Variants in GPC5 observed in about 807,000 individuals in gnomAD.
GPC5 encodes glypican 5.
A neutral mutation model predicts 53.9 loss-of-function variants in GPC5; 47 were observed. The observed-to-expected ratio is 0.87, with a 90% CI of 0.69 to 1.11. The LOEUF is 1.11. Ranked by LOEUF, GPC5 falls within the 50% of genes most tolerant of loss-of-function variation. The pLI is 0.00. For missense variants in GPC5, 748 were observed against 713.1 expected (o/e 1.05, Z -0.56); for synonymous variants, 286 against 263.3 (o/e 1.09, Z -0.84).
chr13:91,823,850 G>T (rs992930472), intron 5 of GPC5, among the ~76,000 whole-genome samples: 1 of 151,924 alleles, frequency 6.6e-6, no homozygotes, highest in African/African-American at 2.4e-5. Flanking sequence ...CTTTCAATAT[G>T]TCTATAACTA....
intron 2 of GPC5, among the ~76,000 whole-genome samples, chr13:91,548,957 G>A (rs2030459955): frequency 6.6e-6 from 1 of 152,074 alleles, no homozygotes; most frequent in Admixed American, 6.5e-5. Context: ...ACTCAAAGTG[G>A]ATCATAGACG....
intron 6 of GPC5, among the ~76,000 whole-genome samples, chr13:91,977,829 G>A (rs1721299184): frequency 6.6e-6 from 1 of 151,872 alleles, no homozygotes; most frequent in African/African-American, 2.4e-5. Context: ...AAAACTTTTA[G>A]CGCTAGGTGC....
At position 92,403,510 on chromosome 13, in the gene GPC5, G is replaced by C. The variant is rs773403803; in HGVS notation, c.1561+258521G>C. Among the ~76,000 whole-genome samples, 7 of 152,208 alleles carry C rather than the reference G, an allele frequency of 4.6e-5. No individual in the cohort carries two copies. The South Asian group carries it at 6.2e-4, about 13-fold the overall frequency. ...ACAAACCCTATTGTGAGCTGCGCAT[G>C]TGAGGGATCTAGGCTGCATGTTCCT... On this transcript the variant is annotated intron_variant, in intron 7 of 7. Coordinates refer to ENST00000377067, the MANE Select transcript of GPC5 (RefSeq NM_004466.6).
chr13:91,547,512 C>T lies in GPC5; in HGVS notation c.325+98590C>T, dbSNP rs564703916. Among the ~76,000 whole-genome samples, 3 of 152,152 alleles carry T rather than the reference C, an allele frequency of 2.0e-5. No homozygotes were observed. In the East Asian group the frequency reaches 5.8e-4, roughly 29 times the overall value. ...AAAAATTGAATCAATTAATAGTCTT[C>T]CAAAACAGAAAGCACCAGGCCCAGA... On this transcript the variant is annotated intron_variant, in intron 2 of 7. Coordinates refer to ENST00000377067, the MANE Select transcript of GPC5 (RefSeq NM_004466.6).
At chr13:92,595,559 G>A (rs1883846191) in intron 7 of GPC5, among the ~76,000 whole-genome samples, 1 of 151,824 alleles carries the variant, frequency 6.6e-6, no homozygotes. Flanking sequence ...ACGAGGTCAG[G>A]AGATCGAGAC....
At chr13:91,498,143 C>T (rs145779036) in intron 2 of GPC5, among the ~76,000 whole-genome samples, 40 of 151,684 alleles carry the variant, frequency 2.6e-4, no homozygotes, top group Admixed American at 5.9e-4. Context: ...ACCCACCCGC[C>T]GCCACACACA....
At chr13:91,538,488 A>G (rs1232599334) in intron 2 of GPC5, among the ~76,000 whole-genome samples, 1 of 152,138 alleles carries the variant, frequency 6.6e-6, no homozygotes, top group Non-Finnish European at 1.5e-5. Flanking sequence ...CTCCAGGTAC[A>G]TGTAATATTT....
intron 7 of GPC5, among the ~76,000 whole-genome samples, chr13:92,348,084 A>G (rs576833898): frequency 6.9e-6 from 1 of 144,796 alleles, no homozygotes; most frequent in South Asian, 2.2e-4. Flanking sequence ...CTACAAAACA[A>G]CCAGAAAACA....
chr13:92,518,562 C>A (rs1880887318), intron 7 of GPC5, among the ~76,000 whole-genome samples: 1 of 152,160 alleles, frequency 6.6e-6, no homozygotes. Context: ...AAATGCTTTA[C>A]AGACAAGCAA....
chr13:91,906,709 A>G (rs1301065898), intron 5 of GPC5, among the ~76,000 whole-genome samples: 2 of 151,956 alleles, frequency 1.3e-5, no homozygotes, highest in East Asian at 3.9e-4. Flanking sequence ...CTTTGTGACT[A>G]ATGAGTTTAA....
In GPC5 at chr13:92,751,303, TAAAA is replaced by T. The variant is rs71123435; in HGVS notation, c.1562-114950_1562-114947del. 9.1e-3 allele frequency among the ~76,000 whole-genome samples: 352 copies of T among 38,768 alleles called. 1 individual carries two copies. The highest frequency in any genetic ancestry group is 0.028 in the Middle Eastern group (1 of 36). 25.4% of individuals were successfully genotyped at this position (38,768 alleles called of 152,430 possible). Reference sequence around the variant, plus strand: ...AAACCTTTGGTCATCCAGAAACATTTAAAAAAAAAAAAAAAAAAAAAAAAAAAAA... The same window carrying T: ...AAACCTTTGGTCATCCAGAAACATTTAAAAAAAAAAAAAAAAAAAAAAAAA... On this transcript the variant is annotated intron_variant, in intron 7 of 7. Transcript: ENST00000377067.
intron 7 of GPC5, among the ~76,000 whole-genome samples, chr13:92,172,482 G>A (rs567856606): frequency 6.6e-6 from 1 of 152,248 alleles, no homozygotes; most frequent in East Asian, 1.9e-4. Flanking sequence ...TCAGTTTTGA[G>A]GGATCTGAGA....
intron 7 of GPC5, among the ~76,000 whole-genome samples, chr13:92,739,893 AGTT>A (rs1006787869): frequency 3.3e-5 from 5 of 152,204 alleles, no homozygotes; most frequent in South Asian, 2.1e-4. Context: ...TATTTGTAGG[AGTT>A]GTTGTTCTTT....
chr13:91,767,574 T>A (rs2037548095), intron 5 of GPC5, among the ~76,000 whole-genome samples: 2 of 152,174 alleles, frequency 1.3e-5, no homozygotes, highest in Admixed American at 1.3e-4. Flanking sequence ...ACAATTCTAG[T>A]CATCTCCCTT....
intron 7 of GPC5, among the ~76,000 whole-genome samples, chr13:92,758,081 C>A (rs1874977827): frequency 6.7e-6 from 1 of 149,888 alleles, no homozygotes; most frequent in African/African-American, 2.5e-5. Context: ...TGGAACCAAC[C>A]CAAATGTCCA....
At chr13:91,673,966 T>C (rs539403447) in intron 2 of GPC5, among the ~76,000 whole-genome samples, 170 of 152,296 alleles carry the variant, frequency 1.1e-3, no homozygotes, top group African/African-American at 4.0e-3. Context: ...CAAAATAAAA[T>C]CCATTCGTCT....
chr13:92,809,336 A>G (rs1262410388), intron 7 of GPC5, among the ~76,000 whole-genome samples: 3 of 152,222 alleles, frequency 2.0e-5, no homozygotes, highest in African/African-American at 7.2e-5. Context: ...TGGTTCAAAC[A>G]TACTGCAATC....
In GPC5 at chr13:92,625,547, A is replaced by G. The variant is rs140100696; in HGVS notation, c.1562-240735A>G. ...GGGCTATCAATGTGGAGTTCAGTGG[A>G]AAAGAACAAGTAAATTTGTCCTGGT... is the stretch of plus-strand genomic sequence containing the variant. On this transcript the variant is annotated intron_variant, in intron 7 of 7. Transcript: ENST00000377067. 3.1e-3 allele frequency among the ~76,000 whole-genome samples: 478 copies of G among 152,328 alleles called. 1 individual carries two copies. Among genetic ancestry groups the G allele is most frequent in the African/African-American group, 0.011 (457 of 41,586 alleles).
chr13:91,904,554 T>C (rs1351220412), intron 5 of GPC5, among the ~76,000 whole-genome samples: 1 of 152,024 alleles, frequency 6.6e-6, no homozygotes, highest in Non-Finnish European at 1.5e-5. Flanking sequence ...TGTGGCCTTA[T>C]TTGAGTAACT....
Sources: allele counts gnomAD v4.1 joint callset (sites outside exome capture counted in the v4.1 genomes callset), GRCh38; gene constraint gnomAD v4.1.1; transcripts MANE v1.5; gene names NCBI Gene and HGNC (gene_info 2026-07-23, HGNC 2026-07-21).